PROSER2: variants seen among roughly 807,000 people sequenced by gnomAD.
The protein encoded by PROSER2 is proline and serine-rich protein 2.
PROSER2 carries 18 observed loss-of-function variants against 14.6 expected under a neutral mutation model. The observed-to-expected ratio is 1.23, with a 90% CI of 0.85 to 1.83. PROSER2 has a LOEUF of 1.83. Among genes scored for constraint, PROSER2 ranks in the 40% most tolerant of loss-of-function variants. PROSER2 has a pLI of 0.00. For missense variants in PROSER2, 823 were observed against 629.8 expected, an observed-to-expected ratio of 1.31 and a Z score of -3.28; for synonymous variants, 367 against 286.4, an observed-to-expected ratio of 1.28 and a Z score of -2.84.
intron 1 of PROSER2, among the ~76,000 whole-genome samples, chr10:11,847,853 A>T (rs920691080): frequency 6.6e-6 from 1 of 152,172 alleles, no homozygotes; most frequent in Non-Finnish European, 1.5e-5. Context: ...TTCTCTTCTT[A>T]CCTGACAGCC....
At chr10:11,835,463 A>G (rs1438868725) in intron 1 of PROSER2, among the ~76,000 whole-genome samples, 1 of 152,186 alleles carries the variant, frequency 6.6e-6, no homozygotes, top group Non-Finnish European at 1.5e-5. Flanking sequence ...GGAAATGGTT[A>G]ATTTAGTCTA....
intron 2 of PROSER2, among the ~76,000 whole-genome samples, chr10:11,855,388 G>C (rs988259171): frequency 1.3e-5 from 2 of 150,592 alleles, no homozygotes; most frequent in African/African-American, 4.9e-5. Flanking sequence ...CCAGGAGAAT[G>C]GTGTGAACCC....
At position 11,869,593 on chromosome 10, in the gene PROSER2, T is replaced by TA. The variant is rs770782188; in HGVS notation, c.496dup (p.Ser166LysfsTer162). ...CCCTTCTTGCGCCACCACCCCTGCCTAGCACCCCCGATCCCCCCAGGAGGG... is the reference window on the plus strand; with the variant it reads ...CCCTTCTTGCGCCACCACCCCTGCCTAAGCACCCCCGATCCCCCCAGGAGGG... On this transcript the variant is annotated frameshift_variant, in exon 4 of 4. Transcript: ENST00000277570. LOFTEE classifies it low-confidence loss of function (END_TRUNC). This position sits in a 1 kb window ranked among gnomAD's most constrained non-coding sequence, Gnocchi z 4.4. 5 of 1,603,892 alleles carry TA rather than the reference T, an allele frequency of 3.1e-6. No individual in the cohort carries two copies. The highest frequency in any genetic ancestry group is 1.7e-5 in the Admixed American group (1 of 59,536).
At chr10:11,867,229 C>T (rs1283659138) in intron 3 of PROSER2, among the ~76,000 whole-genome samples, 1 of 140,520 alleles carries the variant, frequency 7.1e-6, no homozygotes, top group Non-Finnish European at 1.5e-5. Context: ...TGTGCCAGTG[C>T]ACTCCAGCCT....
intron 1 of PROSER2, among the ~76,000 whole-genome samples, chr10:11,835,169 A>G (rs1214382027): frequency 6.6e-6 from 1 of 151,944 alleles, no homozygotes. Flanking sequence ...CTGGTAGTTT[A>G]CAGGTGGGTG....
chr10:11,867,214 G>A (rs868081757), intron 3 of PROSER2, among the ~76,000 whole-genome samples: 1 of 136,158 alleles, frequency 7.3e-6, no homozygotes, highest in African/African-American at 2.8e-5. Context: ...GCAGTGAGCC[G>A]AGATTGTGCC....
At position 11,870,680 on chromosome 10, in the gene PROSER2, T is replaced by A; in HGVS notation, c.*274T>A. 2.6e-6 allele frequency: 1 copy of A among 378,670 alleles called. No individual in the cohort carries two copies. The highest frequency in any genetic ancestry group is 4.9e-6 in the Non-Finnish European group (1 of 203,616). 23.5% of individuals were successfully genotyped at this position (378,670 alleles called of 1,614,324 possible). ...AAGAACTGAGAGAGAGAGAATAACC[T>A]GTTAGACCCATAGGTTTCCGTGATG... is the stretch of plus-strand genomic sequence containing the variant. On this transcript the variant is annotated 3_prime_UTR_variant, in exon 4 of 4. Transcript: ENST00000277570.
At chr10:11,868,790 A>G (rs1195729333) in intron 3 of PROSER2, among the ~76,000 whole-genome samples, 1 of 152,170 alleles carries the variant, frequency 6.6e-6, no homozygotes, top group Non-Finnish European at 1.5e-5. Flanking sequence ...AGCTGGGACT[A>G]TAGGCACACG....
At chr10:11,825,240 G>C (rs989632447) in intron 1 of PROSER2, among the ~76,000 whole-genome samples, 1 of 87,360 alleles carries the variant, frequency 1.1e-5, no homozygotes, top group African/African-American at 3.8e-5. Flanking sequence ...CTGAGAACAG[G>C]GGAGCCTCTA....
At chr10:11,834,707 T>C (rs192104224) in intron 1 of PROSER2, among the ~76,000 whole-genome samples, 1 of 151,474 alleles carries the variant, frequency 6.6e-6, no homozygotes, top group Admixed American at 6.6e-5. Context: ...TGCACTCCAG[T>C]CTGGGTGACA....
chr10:11,854,855 A>G (rs1469898260), intron 2 of PROSER2, among the ~76,000 whole-genome samples: 1 of 152,194 alleles, frequency 6.6e-6, no homozygotes, highest in Non-Finnish European at 1.5e-5. Flanking sequence ...CTTTTTTGGA[A>G]GTGTAAATTC....
chr10:11,868,737 A>G (rs1386898050), intron 3 of PROSER2, among the ~76,000 whole-genome samples: 1 of 151,950 alleles, frequency 6.6e-6, no homozygotes, highest in Non-Finnish European at 1.5e-5. Flanking sequence ...TGCAACCTCC[A>G]CCTCCCAGGT....
chr10:11,838,680 T>C lies in PROSER2; in HGVS notation c.-81-13317T>C, dbSNP rs1184307148. Among the ~76,000 whole-genome samples the C allele has an allele frequency of 1.3e-5, 2 of 152,216 alleles. No homozygotes were observed. The highest frequency in any genetic ancestry group is 2.9e-5 in the Non-Finnish European group (2 of 68,026). The stretch of plus-strand genomic sequence containing the variant: ...CTGACACTTGTTATTTTTTGTCTAA[T>C]TTTTGCCACTCCAGTAGGTATTAAA... On this transcript the variant is annotated intron_variant, in intron 1 of 3. Transcript: ENST00000277570. The surrounding 1 kb of genome is among the most constrained non-coding windows in gnomAD (Gnocchi z 4.4).
At chr10:11,857,931 A>G (rs908229911) in intron 2 of PROSER2, among the ~76,000 whole-genome samples, 1 of 151,680 alleles carries the variant, frequency 6.6e-6, no homozygotes, top group Non-Finnish European at 1.5e-5. Context: ...GTTAAACTAA[A>G]TTTCTTTTTT....
At position 11,860,980 on chromosome 10, in the gene PROSER2, C is replaced by T. The variant is rs185091819; in HGVS notation, c.139-5551C>T. On this transcript the variant is annotated intron_variant, in intron 2 of 3. Coordinates refer to ENST00000277570, the MANE Select transcript of PROSER2 (RefSeq NM_153256.4). ...AATTAACCGGGCGTGGTGGCGTGCA[C>T]CTGTAGTCCCAGCTACCCTGGAGGC... 2.6e-3 allele frequency among the ~76,000 whole-genome samples: 394 copies of T among 152,256 alleles called. 2 individuals carry two copies. Among genetic ancestry groups the T allele is most frequent in the African/African-American group, 8.8e-3 (365 of 41,540 alleles).
rs934594564 is a variant in PROSER2, at chr10:11,837,171, T to A, written c.-82+13701T>A. On this transcript the variant is annotated intron_variant, in intron 1 of 3. Transcript: ENST00000277570. The surrounding 1 kb of genome is among the most constrained non-coding windows in gnomAD (Gnocchi z 4.6). ...ATGCTGAAGAGAAGCTACCAAGTGC[T>A]TCCTTTAAGTGAAAAGATGTGAAAG... 6.6e-6 allele frequency among the ~76,000 whole-genome samples: 1 copy of A among 152,156 alleles called. No homozygotes were observed. The highest frequency in any genetic ancestry group is 1.5e-5 in the Non-Finnish European group (1 of 68,022).
chr10:11,839,321 G>C (rs916980006), intron 1 of PROSER2, among the ~76,000 whole-genome samples: 1 of 152,058 alleles, frequency 6.6e-6, no homozygotes, highest in South Asian at 2.1e-4. Flanking sequence ...GAGTAAGAAA[G>C]GCCTAAATTT....
chr10:11,835,248 C>T (rs527957990), intron 1 of PROSER2, among the ~76,000 whole-genome samples: 54 of 152,244 alleles, frequency 3.5e-4, no homozygotes, highest in African/African-American at 1.2e-3. Context: ...CTCCTCTTAC[C>T]TCTGCCTGAA....
In PROSER2 at chr10:11,865,483, C is replaced by T. The variant is rs749782818; in HGVS notation, c.139-1048C>T. ...TCACATTAACAGTTTTCCTCAGATGCTCGGTGGTTATTAGATATCTGCGCA... is the reference window on the plus strand; with the variant it reads ...TCACATTAACAGTTTTCCTCAGATGTTCGGTGGTTATTAGATATCTGCGCA... On this transcript the variant is annotated intron_variant, in intron 2 of 3. Coordinates refer to ENST00000277570, the MANE Select transcript of PROSER2 (RefSeq NM_153256.4). The surrounding 1 kb of genome is among the most constrained non-coding windows in gnomAD (Gnocchi z 4.2). 6.6e-6 allele frequency among the ~76,000 whole-genome samples: 1 copy of T among 152,186 alleles called. No homozygotes were observed. Among genetic ancestry groups the T allele is most frequent in the Non-Finnish European group, 1.5e-5 (1 of 68,034 alleles).
Sources: allele counts gnomAD v4.1 joint callset (sites outside exome capture counted in the v4.1 genomes callset), GRCh38; gene constraint gnomAD v4.1.1; non-coding constraint Gnocchi (gnomAD v3.1); transcripts MANE v1.5; gene names NCBI Gene and HGNC (gene_info 2026-07-23, HGNC 2026-07-21).